TAF8: variants seen among roughly 807,000 people sequenced by gnomAD.
The protein encoded by TAF8 is TATA-box binding protein associated factor 8.
In TAF8, 47 loss-of-function variants were observed where a neutral mutation model predicts 36.5. That is an observed-to-expected ratio of 1.29 (90% CI 1.02 to 1.64). TAF8 has a LOEUF of 1.64. Among genes scored for constraint, TAF8 ranks in the 40% most tolerant of loss-of-function variants. The pLI, the probability that TAF8 is intolerant of heterozygous loss-of-function variation, is 0.00. For missense variants in TAF8, 420 were observed against 407.6 expected, an observed-to-expected ratio of 1.03 and a Z score of -0.26; for synonymous variants, 175 against 159.5, an observed-to-expected ratio of 1.10 and a Z score of -0.73.
chr6:42,072,709 A>G (rs953179402), intron 7 of TAF8, among the ~76,000 whole-genome samples: 17 of 151,962 alleles, frequency 1.1e-4, no homozygotes, highest in Admixed American at 9.2e-4. Context: ...TAGCAAAGTA[A>G]ATAACTGGTT....
intron 7 of TAF8, among the ~76,000 whole-genome samples, chr6:42,074,809 T>C (rs1285391883): frequency 6.6e-6 from 1 of 151,536 alleles, no homozygotes; most frequent in African/African-American, 2.4e-5. Context: ...AGTGCTAGAT[T>C]ACAGGCGTGA....
At chr6:42,050,678 T>A (rs1764737005) in intron 1 of TAF8, 92 bp downstream of exon 1, 1 of 1,399,974 alleles carries the variant, frequency 7.1e-7, no homozygotes, top group Middle Eastern at 1.8e-4. Flanking sequence ...GCCCAGAAAT[T>A]CAGCCCCATC....
In TAF8 at chr6:42,072,816, G is replaced by A. The variant is rs887992219; in HGVS notation, c.780+4209G>A. On this transcript the variant is annotated intron_variant, in intron 7 of 8. Coordinates refer to ENST00000372977, the MANE Select transcript of TAF8 (RefSeq NM_138572.3). ...CGGCTCGCTGCAAGCTCCGCCTCCC[G>A]GGTTCATGCCATTCTCCTGCCTCAG... 2.0e-4 allele frequency among the ~76,000 whole-genome samples: 31 copies of A among 151,524 alleles called. 1 individual carries two copies. The highest frequency in any genetic ancestry group is 1.5e-3 in the South Asian group (7 of 4,804).
intron 1 of TAF8, chr6:42,051,028 G>GT (rs1194875964): frequency 1.2e-5 from 13 of 1,083,684 alleles, no homozygotes; most frequent in Non-Finnish European, 1.5e-5. Flanking sequence ...GAGGGATCCT[G>GT]TTTTTTCTGC....
chr6:42,087,054 C>G (rs1053533318), downstream of TAF8: 1 of 470,846 alleles, frequency 2.1e-6, no homozygotes, highest in Non-Finnish European at 3.9e-6. Context: ...CCTGAGTGCA[C>G]CATGTCTTGT....
At chr6:42,076,421 G>C (rs1765749694) in intron 7 of TAF8, among the ~76,000 whole-genome samples, 1 of 152,200 alleles carries the variant, frequency 6.6e-6, no homozygotes, top group South Asian at 2.1e-4. Context: ...CTGCACTCCA[G>C]CCTGGGTGAC....
Position 42,056,002 on chromosome 6 carries a change from G to C in TAF8, c.352G>C (p.Val118Leu). The C allele has an allele frequency of 6.2e-7, 1 of 1,611,406 alleles. No homozygotes were observed. The highest frequency in any genetic ancestry group is 1.1e-5 in the South Asian group (1 of 91,044). ...TTATGCAAAACGGTCTCAGAGGATGGTCATCACTGCTCGTAAGTGACTTTG... is the reference window on the plus strand; with the variant it reads ...TTATGCAAAACGGTCTCAGAGGATGCTCATCACTGCTCGTAAGTGACTTTG... ...PAYAKRSQRM[V>L]ITAPPVTNQP... is the part of the protein sequence containing the mutation. Residue 118 changes from valine to leucine, a missense_variant, in exon 4 of 9, where the codon GTC becomes CTC. By Grantham distance (32) the Val-to-Leu change is conservative. Transcript: ENST00000372977.
At position 42,080,480 on chromosome 6, in the gene TAF8, C is replaced by T. The variant is rs1337954169; in HGVS notation, c.*2935C>T. Reference sequence around the variant, plus strand: ...CTCCACCTCCTGGGTTCAAGGGATTCTCCTGCCTCAGCCTCCTGAGTAGCT... The same window carrying T: ...CTCCACCTCCTGGGTTCAAGGGATTTTCCTGCCTCAGCCTCCTGAGTAGCT... On this transcript the variant is annotated 3_prime_UTR_variant, in exon 9 of 9. Transcript: ENST00000372977. 5.5e-6 allele frequency: 3 copies of T among 546,604 alleles called. No individual in the cohort carries two copies. In the East Asian group the frequency reaches 4.4e-4, roughly 81 times the overall value. The allele number at this position is 546,604 out of a possible 1,614,324, so 33.9% of individuals were successfully genotyped here.
chr6:42,078,500 C>T lies in TAF8; in HGVS notation c.*955C>T. 1 of 985,516 alleles carries T rather than the reference C, an allele frequency of 1.0e-6. No homozygotes were observed. The highest frequency in any genetic ancestry group is 4.7e-5 in the South Asian group (1 of 21,284). 61.0% of individuals were successfully genotyped at this position (985,516 alleles called of 1,614,324 possible). On this transcript the variant is annotated 3_prime_UTR_variant, in exon 9 of 9. Transcript: ENST00000372977. The stretch of plus-strand genomic sequence containing the variant: ...GAGCTGATGAAAAGTTCTTTGTACT[C>T]CCTCAACGTGTCGGAAACAGGAGGC...
chr6:42,062,901 G>C (rs1295324466), intron 5 of TAF8, among the ~76,000 whole-genome samples: 1 of 152,018 alleles, frequency 6.6e-6, no homozygotes, highest in Admixed American at 6.6e-5. Flanking sequence ...AAAAGCTATG[G>C]CTAAAGCTAT....
intron 5 of TAF8, among the ~76,000 whole-genome samples, chr6:42,063,007 G>A (rs961263819): frequency 2.0e-5 from 3 of 152,092 alleles, no homozygotes; most frequent in African/African-American, 7.2e-5. Context: ...CCTTACCTTA[G>A]TAAGACCTCA....
At position 42,057,356 on chromosome 6, in the gene TAF8, G is replaced by A. The variant is rs766156209; in HGVS notation, c.365-33G>A. 5 of 1,613,644 alleles carry A rather than the reference G, an allele frequency of 3.1e-6. No homozygotes were observed. The Admixed American group carries it at 6.7e-5, about 22-fold the overall frequency. ...TAATCTGTAGAAATCAGGGTCTTGG[G>A]TGGAGGGGTAATCAGTTGTGACTCT... is the stretch of plus-strand genomic sequence containing the variant. On this transcript the variant is annotated intron_variant, in intron 4 of 8. Transcript: ENST00000372977.
At chr6:42,072,226 A>G (rs1448090120) in intron 7 of TAF8, among the ~76,000 whole-genome samples, 1 of 152,236 alleles carries the variant, frequency 6.6e-6, no homozygotes, top group Non-Finnish European at 1.5e-5. Flanking sequence ...TAGGCTATCT[A>G]ACCATATGCC....
At position 42,078,625 on chromosome 6, in the gene TAF8, C is replaced by T. The variant is rs544002116; in HGVS notation, c.*1080C>T. 3.0e-6 allele frequency: 3 copies of T among 985,464 alleles called. No individual in the cohort carries two copies. The highest frequency in any genetic ancestry group is 3.6e-6 in the Non-Finnish European group (3 of 829,946). The allele number at this position is 985,464 out of a possible 1,614,324, so 61.0% of individuals were successfully genotyped here. A position where few individuals can be genotyped will look rare whatever the true frequency, so the allele number is the denominator to read the frequency against. ...ACATGTCGGGGCTGCACCTGTCCTC[C>T]CGTCGGCATTTGACGAAAGCTCCCT... On this transcript the variant is annotated 3_prime_UTR_variant, in exon 9 of 9. Coordinates refer to ENST00000372977, the MANE Select transcript of TAF8 (RefSeq NM_138572.3).
In TAF8 at chr6:42,057,479, A is replaced by G. The variant is rs1408689099; in HGVS notation, c.455A>G (p.Glu152Gly). The change falls in exon 5 of 9, where the codon GAG (glutamate) becomes GGG (glycine). Residue 152 changes from glutamate (E) to glycine (G), a missense_variant. Glu to Gly is a moderately conservative substitution (Grantham distance 98). Transcript: ENST00000372977. ...HPPHIPSHFP[E>G]FPDPHTYIKT... ...CCGCACATCCCCAGCCATTTTCCTG[A>G]GTTCCCTGATCCCCACACCTACATC... is the stretch of plus-strand genomic sequence containing the variant. 1.2e-6 allele frequency: 2 copies of G among 1,614,062 alleles called. No homozygotes were observed. The highest frequency in any genetic ancestry group is 8.5e-7 in the Non-Finnish European group (1 of 1,180,024).
chr6:42,051,482 C>G lies in TAF8; in HGVS notation c.171C>G (p.Ser57=). Residue 57 remains serine, a synonymous_variant, in exon 2 of 9, where the codon TCC becomes TCG. Coordinates refer to ENST00000372977, the MANE Select transcript of TAF8 (RefSeq NM_138572.3). ...GGTTTGAGAGTGCCGAGAAAGCATC[C>G]GTGGAAACGCTGACAGAGATGCTGC... ...EAGFESAEKA[S]VETLTEMLQS... 2 of 1,614,050 alleles carry G rather than the reference C, an allele frequency of 1.2e-6. No individual in the cohort carries two copies. Among genetic ancestry groups the G allele is most frequent in the Non-Finnish European group, 1.7e-6 (2 of 1,179,996 alleles).
chr6:42,068,933 T>C (rs1180099865), intron 7 of TAF8, among the ~76,000 whole-genome samples: 1 of 151,810 alleles, frequency 6.6e-6, no homozygotes, highest in African/African-American at 2.4e-5. Context: ...GGGATGGGAA[T>C]GGGAGGGATG....
Position 42,081,688 on chromosome 6 carries a change from G to A in TAF8, c.*4143G>A, listed in dbSNP as rs530128964. 1.3e-5 allele frequency: 2 copies of A among 152,186 alleles called. No individual in the cohort carries two copies. The highest frequency in any genetic ancestry group is 2.1e-4 in the South Asian group (1 of 4,816). 9.4% of individuals were successfully genotyped at this position (152,186 alleles called of 1,614,324 possible). A position where few individuals can be genotyped will look rare whatever the true frequency, so the allele number is the denominator to read the frequency against. Reference sequence around the variant, plus strand: ...CTGGCCTAATTTTTTTGTAGGTTTAGTAGAGATGGGGTTTCACCATGTTGG... The same window carrying A: ...CTGGCCTAATTTTTTTGTAGGTTTAATAGAGATGGGGTTTCACCATGTTGG... On this transcript the variant is annotated 3_prime_UTR_variant, in exon 9 of 9. Coordinates refer to ENST00000372977, the MANE Select transcript of TAF8 (RefSeq NM_138572.3).
In TAF8 at chr6:42,083,109, C is replaced by G. The variant is rs557289213; in HGVS notation, c.*5564C>G. The G allele has an allele frequency of 5.3e-5, 8 of 152,216 alleles. No homozygotes were observed. The highest frequency in any genetic ancestry group is 1.2e-4 in the Non-Finnish European group (8 of 68,052). 9.4% of individuals were successfully genotyped at this position (152,216 alleles called of 1,614,324 possible). On this transcript the variant is annotated 3_prime_UTR_variant, in exon 9 of 9. Transcript: ENST00000372977. Reference sequence around the variant, plus strand: ...CCTCCTCCCCTGTTTCCCAGAGGCTCAGACCTCATCCCTGGCAGCTGCTAT... The same window carrying G: ...CCTCCTCCCCTGTTTCCCAGAGGCTGAGACCTCATCCCTGGCAGCTGCTAT...
Sources: gnomAD v4.1 joint callset for allele counts (sites outside exome capture counted in the v4.1 genomes callset) on GRCh38, gnomAD v4.1.1 for gene constraint, MANE v1.5 for transcripts, NCBI Gene and HGNC (gene_info 2026-07-23, HGNC 2026-07-21) for gene names.